The following NRXN1 variants were observed in gnomAD, a reference collection of about 807,000 sequenced individuals.
NRXN1 encodes neurexin-1.
A neutral mutation model predicts 150.9 loss-of-function variants in NRXN1; 39 were observed. That is an observed-to-expected ratio of 0.26 (90% CI 0.20 to 0.34). NRXN1 has a LOEUF of 0.34. Ranked by LOEUF, NRXN1 falls within the 10% of genes least tolerant of loss-of-function variation. NRXN1 has a pLI of 1.00. For missense variants in NRXN1, 1,815 were observed against 1,949.9 expected, an observed-to-expected ratio of 0.93 and a Z score of 1.30; for synonymous variants, 924 against 757.0, an observed-to-expected ratio of 1.22 and a Z score of -3.62.
rs569911790 is a variant in NRXN1 at position 50,371,778 on chromosome 2, AT to A, written c.3364+93663del. Reference sequence around the variant, plus strand: ...CAGTTACTGTTGCAATTTATAAGATATTTTTATATTTATAAAATATAGTAAA... The same window carrying A: ...CAGTTACTGTTGCAATTTATAAGATATTTTATATTTATAAAATATAGTAAA... On this transcript the variant is annotated intron_variant, in intron 17 of 22. Coordinates refer to ENST00000401669, the MANE Select transcript of NRXN1 (RefSeq NM_001330078.2). Among the ~76,000 whole-genome samples the A allele has an allele frequency of 6.6e-4, 96 of 144,966 alleles. 1 individual carries two copies. The highest frequency in any genetic ancestry group is 2.4e-3 in the African/African-American group (94 of 38,560).
rs184298681 is a variant in NRXN1 at position 50,221,619 on chromosome 2, T to C, written c.3546+15170A>G. 1.8e-3 allele frequency among the ~76,000 whole-genome samples: 271 copies of C among 152,150 alleles called. 1 individual carries two copies. Among genetic ancestry groups the C allele is most frequent in the African/African-American group, 6.3e-3 (262 of 41,552 alleles). On this transcript the variant is annotated intron_variant, in intron 18 of 22. Transcript: ENST00000401669. The stretch of plus-strand genomic sequence containing the variant: ...AAAAAAGTTCTTTAATTTTTAAATG[T>C]GGTTCTCACTGCTAACTGTAATTTA...
At chr2:50,954,703 T>C (rs146944061) in intron 2 of NRXN1, among the ~76,000 whole-genome samples, 50 of 152,298 alleles carry the variant, frequency 3.3e-4, no homozygotes, top group African/African-American at 1.0e-3. Context: ...GGGCCTGGCA[T>C]GCAAAGCTTA....
chr2:50,984,638 C>T (rs1697400517), intron 2 of NRXN1, among the ~76,000 whole-genome samples: 1 of 152,022 alleles, frequency 6.6e-6, no homozygotes, highest in South Asian at 2.1e-4. Flanking sequence ...AATGTGTTTT[C>T]CTCTTCATCA....
intron 8 of NRXN1, among the ~76,000 whole-genome samples, chr2:50,602,411 A>G (rs1676427711): frequency 6.6e-6 from 1 of 151,242 alleles, no homozygotes; most frequent in South Asian, 2.1e-4. Flanking sequence ...TTTTTCTCTC[A>G]AGCTTCATAG....
At chr2:50,952,693 G>A (rs1273608403) in intron 2 of NRXN1, among the ~76,000 whole-genome samples, 1 of 152,180 alleles carries the variant, frequency 6.6e-6, no homozygotes, top group Non-Finnish European at 1.5e-5. Context: ...TGTCTGTGGT[G>A]GGATAAATAG....
chr2:50,901,113 A>G (rs191887947), intron 5 of NRXN1, among the ~76,000 whole-genome samples: 1 of 152,194 alleles, frequency 6.6e-6, no homozygotes, highest in Non-Finnish European at 1.5e-5. Context: ...TGCTTGTTTC[A>G]TACCATTAAA....
chr2:50,715,533 G>A (rs534295922), intron 5 of NRXN1, among the ~76,000 whole-genome samples: 7 of 152,242 alleles, frequency 4.6e-5, no homozygotes, highest in South Asian at 2.1e-4. Context: ...TAAATATGCC[G>A]TCTATTTCTG....
chr2:50,522,001 T>A (rs2092802569), intron 12 of NRXN1, among the ~76,000 whole-genome samples: 1 of 151,296 alleles, frequency 6.6e-6, no homozygotes, highest in African/African-American at 2.4e-5. Context: ...ATATAGAGAG[T>A]ATACAGCCAG....
chr2:50,188,581 T>C (rs969111041), intron 18 of NRXN1, among the ~76,000 whole-genome samples: 3 of 151,804 alleles, frequency 2.0e-5, no homozygotes, highest in Non-Finnish European at 2.9e-5. Context: ...TTAGAGTGAA[T>C]AGGTAACCTA....
At chr2:50,216,462 A>G (rs1915220) in intron 18 of NRXN1, among the ~76,000 whole-genome samples, 14,196 of 152,062 alleles carry the variant, frequency 0.093, 1,045 homozygotes, top group East Asian at 0.37. Context: ...TGAAGTATTT[A>G]CCAATCGGAT....
intron 21 of NRXN1, among the ~76,000 whole-genome samples, chr2:50,019,687 C>G (rs1687216600): frequency 7.0e-6 from 1 of 143,700 alleles, no homozygotes; most frequent in African/African-American, 2.6e-5. Context: ...TGGCTCAAGC[C>G]TGTAATCCCA....
intron 21 of NRXN1, among the ~76,000 whole-genome samples, chr2:49,956,840 T>C (rs1394744062): frequency 6.6e-6 from 1 of 152,176 alleles, no homozygotes; most frequent in Non-Finnish European, 1.5e-5. Context: ...TAATTTGAGA[T>C]ATCATGAGCC....
intron 21 of NRXN1, among the ~76,000 whole-genome samples, chr2:49,971,227 T>C (rs1677898633): frequency 2.0e-5 from 3 of 152,140 alleles, no homozygotes; most frequent in Non-Finnish European, 2.9e-5. Flanking sequence ...ATATAGTTAA[T>C]TGATTGCCCT....
intron 18 of NRXN1, among the ~76,000 whole-genome samples, chr2:50,221,652 A>G (rs1483698174): frequency 6.6e-6 from 1 of 151,984 alleles, no homozygotes; most frequent in Non-Finnish European, 1.5e-5. Flanking sequence ...TTAGCTCACT[A>G]TAGATGCAAT....
chr2:50,782,269 G>C (rs972735083), intron 5 of NRXN1, among the ~76,000 whole-genome samples: 1 of 152,020 alleles, frequency 6.6e-6, no homozygotes, highest in Non-Finnish European at 1.5e-5. Flanking sequence ...AGGAGTTTGA[G>C]ACCATCCTGG....
intron 17 of NRXN1, among the ~76,000 whole-genome samples, chr2:50,380,967 G>C (rs1002949966): frequency 6.6e-6 from 1 of 152,066 alleles, no homozygotes; most frequent in African/African-American, 2.4e-5. Context: ...TACCAGATCT[G>C]TACTTCCTCT....
intron 17 of NRXN1, among the ~76,000 whole-genome samples, chr2:50,422,902 A>T (rs534622973): frequency 1.3e-5 from 2 of 152,272 alleles, no homozygotes; most frequent in East Asian, 3.9e-4. Flanking sequence ...TTTATATGAA[A>T]GTGCACTTTA....
chr2:50,597,804 T>A lies in NRXN1; in HGVS notation c.1320+22218A>T, dbSNP rs571664217. 2.6e-5 allele frequency among the ~76,000 whole-genome samples: 4 copies of A among 152,282 alleles called. No individual in the cohort carries two copies. The South Asian group carries it at 8.3e-4, about 32-fold the overall frequency. On this transcript the variant is annotated intron_variant, in intron 8 of 22. Coordinates refer to ENST00000401669, the MANE Select transcript of NRXN1 (RefSeq NM_001330078.2). ...AATGAGTGAGTCTAAAAAAATGATT[T>A]GAGTCTCCCCCTGTCTGTCTTCATT... is the stretch of plus-strand genomic sequence containing the variant.
intron 21 of NRXN1, among the ~76,000 whole-genome samples, chr2:49,948,008 T>G (rs1425719767): frequency 6.6e-6 from 1 of 152,102 alleles, no homozygotes; most frequent in Non-Finnish European, 1.5e-5. Context: ...TACATATGAA[T>G]TATTCTTGAG....
Sources: allele counts gnomAD v4.1 joint callset (sites outside exome capture counted in the v4.1 genomes callset), GRCh38; gene constraint gnomAD v4.1.1; transcripts MANE v1.5; gene names NCBI Gene and HGNC (gene_info 2026-07-23, HGNC 2026-07-21).